The following WWOX variants were observed in gnomAD, a reference collection of about 807,000 sequenced individuals.
WWOX encodes the protein WW domain-containing oxidoreductase.
Under a neutral mutation model 46.2 loss-of-function variants are expected in WWOX, and 69 were observed. That is an observed-to-expected ratio of 1.49 (90% CI 1.23 to 1.82). The LOEUF (loss-of-function observed/expected upper bound fraction) is 1.82, where lower values mean the gene tolerates loss of function less well. Ranked by LOEUF, WWOX falls within the 40% of genes most tolerant of loss-of-function variation. The pLI is 0.00. For synonymous variants in WWOX, 359 were observed against 202.6 expected (o/e 1.77, Z -6.56); for missense variants, 919 against 542.6 (o/e 1.69, Z -6.89).
At chr16:78,299,755 C>T (rs2080007176) in intron 5 of WWOX, among the ~76,000 whole-genome samples, 1 of 152,098 alleles carries the variant, frequency 6.6e-6, no homozygotes, top group South Asian at 2.1e-4. Flanking sequence ...TCTCGAACTC[C>T]TGGGCTCAAG....
At chr16:78,528,291 G>A (rs2043532060) in intron 8 of WWOX, among the ~76,000 whole-genome samples, 1 of 149,020 alleles carries the variant, frequency 6.7e-6, no homozygotes, top group African/African-American at 2.5e-5. Context: ...TGGGATTACA[G>A]ACATGAGCCA....
chr16:79,032,080 T>A lies in WWOX; in HGVS notation c.1057-179528T>A, dbSNP rs1382318371. On this transcript the variant is annotated intron_variant, in intron 8 of 8. Coordinates refer to ENST00000566780, the MANE Select transcript of WWOX (RefSeq NM_016373.4). ...ATGTAATATATATATTATATATATATAAAATATATATTATGTATAGATAAT... is the reference window on the plus strand; with the variant it reads ...ATGTAATATATATATTATATATATAAAAAATATATATTATGTATAGATAAT... 2.8e-5 allele frequency among the ~76,000 whole-genome samples: 4 copies of A among 144,500 alleles called. No homozygotes were observed. The East Asian group carries it at 7.9e-4, about 28-fold the overall frequency. 94.8% of individuals were successfully genotyped at this position (144,500 alleles called of 152,430 possible).
At chr16:79,096,638 C>G (rs930186675) in intron 8 of WWOX, among the ~76,000 whole-genome samples, 3 of 152,204 alleles carry the variant, frequency 2.0e-5, no homozygotes, top group African/African-American at 7.2e-5. Flanking sequence ...TTATTTTTCT[C>G]CATATTATCA....
intron 8 of WWOX, among the ~76,000 whole-genome samples, chr16:78,726,351 G>T (rs567000054): frequency 6.6e-6 from 1 of 151,686 alleles, no homozygotes; most frequent in African/African-American, 2.4e-5. Flanking sequence ...TCAGCCTCCC[G>T]GGTAGCTGGG....
intron 5 of WWOX, among the ~76,000 whole-genome samples, chr16:78,347,206 C>A (rs1359438174): frequency 8.6e-6 from 1 of 116,388 alleles, no homozygotes; most frequent in African/African-American, 2.9e-5. Context: ...TTCCCCCGCC[C>A]CCTCCATTCT....
intron 8 of WWOX, among the ~76,000 whole-genome samples, chr16:78,509,912 A>G (rs1262759636): frequency 7.4e-6 from 1 of 134,918 alleles, no homozygotes; most frequent in Non-Finnish European, 1.6e-5. Context: ...ACATAGTGAG[A>G]CCTCATCTCT....
intron 8 of WWOX, among the ~76,000 whole-genome samples, chr16:78,445,008 C>G (rs1023000430): frequency 6.6e-6 from 1 of 150,962 alleles, no homozygotes; most frequent in African/African-American, 2.4e-5. Flanking sequence ...TTTCGGATCC[C>G]AGGTTCCAAA....
intron 6 of WWOX, among the ~76,000 whole-genome samples, chr16:78,410,588 C>T (rs902863920): frequency 1.3e-5 from 2 of 151,642 alleles, no homozygotes; most frequent in African/African-American, 4.9e-5. Flanking sequence ...GGTGAGTGGA[C>T]CATTTGAGGT....
At chr16:78,350,628 A>G (rs1025228382) in intron 5 of WWOX, among the ~76,000 whole-genome samples, 1 of 121,318 alleles carries the variant, frequency 8.2e-6, no homozygotes, top group Non-Finnish European at 2.0e-5. Flanking sequence ...TGTAGCATGT[A>G]TCAGTACTTC....
At chr16:78,237,670 C>T (rs1038594070) in intron 5 of WWOX, 1 of 152,122 alleles carries the variant, frequency 6.6e-6, no homozygotes, top group East Asian at 1.9e-4. Context: ...ATAGTTCTTA[C>T]ATTTTCAATC....
intron 8 of WWOX, among the ~76,000 whole-genome samples, chr16:78,964,921 C>T (rs188964076): frequency 3.7e-4 from 56 of 152,322 alleles, no homozygotes; most frequent in Middle Eastern, 3.4e-3. Flanking sequence ...AAGCCCCAAG[C>T]CTTGGCAGCC....
chr16:78,445,819 C>T (rs1398924300), intron 8 of WWOX, among the ~76,000 whole-genome samples: 2 of 146,990 alleles, frequency 1.4e-5, no homozygotes, highest in Non-Finnish European at 3.0e-5. Flanking sequence ...TGGAGGTTGC[C>T]ATGAGCAGAG....
At chr16:78,717,224 T>A (rs1236030324) in intron 8 of WWOX, among the ~76,000 whole-genome samples, 1 of 152,188 alleles carries the variant, frequency 6.6e-6, no homozygotes, top group Admixed American at 6.5e-5. Flanking sequence ...AAATTTAATT[T>A]AAATCAATTC....
intron 8 of WWOX, among the ~76,000 whole-genome samples, chr16:78,621,862 C>G (rs2046198174): frequency 6.6e-6 from 1 of 152,042 alleles, no homozygotes; most frequent in Non-Finnish European, 1.5e-5. Flanking sequence ...ACCTTAGCCT[C>G]CCAAAGTGCT....
chr16:78,102,639 C>G (rs1473401167), intron 1 of WWOX, among the ~76,000 whole-genome samples: 1 of 152,206 alleles, frequency 6.6e-6, no homozygotes, highest in Admixed American at 6.5e-5. Context: ...GCCCAAGAGA[C>G]CTTCTTAACT....
At chr16:78,781,230 C>T (rs563410726) in intron 8 of WWOX, among the ~76,000 whole-genome samples, 24 of 152,252 alleles carry the variant, frequency 1.6e-4, no homozygotes, top group African/African-American at 5.8e-4. Flanking sequence ...GGTGGGAATT[C>T]TTTAATGTCT....
At position 78,550,865 on chromosome 16, in the gene WWOX, A is replaced by G. The variant is rs540167168; in HGVS notation, c.1056+118113A>G. 42 of 152,296 alleles carry G rather than the reference A, an allele frequency of 2.8e-4. 1 individual carries two copies. Among genetic ancestry groups the G allele is most frequent in the African/African-American group, 9.9e-4 (41 of 41,572 alleles). The allele number at this position is 152,296 out of a possible 1,614,324, so 9.4% of individuals were successfully genotyped here. On this transcript the variant is annotated intron_variant, in intron 8 of 8. Coordinates refer to ENST00000566780, the MANE Select transcript of WWOX (RefSeq NM_016373.4). ...GACCTAATTTTTTTTTTAAGGATTAAGAAAAAAGGAGTAAGAGAGATGGTA... is the reference window on the plus strand; with the variant it reads ...GACCTAATTTTTTTTTTAAGGATTAGGAAAAAAGGAGTAAGAGAGATGGTA...
At chr16:78,914,230 A>G (rs932243135) in intron 8 of WWOX, among the ~76,000 whole-genome samples, 1 of 151,948 alleles carries the variant, frequency 6.6e-6, no homozygotes, top group African/African-American at 2.4e-5. Context: ...CTGTCTATCC[A>G]TCCGTCTATT....
chr16:78,143,593 A>T (rs1379434912), intron 4 of WWOX, among the ~76,000 whole-genome samples: 1 of 152,118 alleles, frequency 6.6e-6, no homozygotes, highest in Non-Finnish European at 1.5e-5. Flanking sequence ...TATTTACTGC[A>T]TTTATTTACT....
Sources: gnomAD v4.1 joint callset for allele counts (sites outside exome capture counted in the v4.1 genomes callset) on GRCh38, gnomAD v4.1.1 for gene constraint, MANE v1.5 for transcripts, NCBI Gene and HGNC (gene_info 2026-07-23, HGNC 2026-07-21) for gene names.